The following C5 variants were observed in gnomAD, a reference collection of about 807,000 sequenced individuals.
The protein encoded by C5 is complement C5, also known as C3 and PZP-like alpha-2-macroglobulin domain-containing protein 4.
Under a neutral mutation model 218.8 loss-of-function variants are expected in C5, and 140 were observed. That is an observed-to-expected ratio of 0.64 (90% CI 0.56 to 0.74). The LOEUF is 0.74. Ranked by LOEUF, C5 falls within the 30% of genes least tolerant of loss-of-function variation. The probability of loss-of-function intolerance (pLI) is 0.00; values close to 1 mark genes in which losing one functional copy is unlikely to be tolerated. For missense variants in C5, 1,700 were observed against 1,969.6 expected (o/e 0.86, Z 2.59); for synonymous variants, 614 against 682.3 (o/e 0.90, Z 1.56).
chr9:120,960,167 T>A, intron 38 of C5, 81 bp downstream of exon 38: 1 of 876,880 alleles, frequency 1.1e-6, no homozygotes. Flanking sequence ...AATCACTATA[T>A]AAAGTTTTTG....
chr9:121,038,537 G>A (rs931872101), intron 3 of C5, among the ~76,000 whole-genome samples: 27 of 152,262 alleles, frequency 1.8e-4, no homozygotes, highest in Non-Finnish European at 2.8e-4. Context: ...AATGGCAGGG[G>A]CTCAATAACT....
chr9:120,994,400 T>A (rs542013971), intron 22 of C5, among the ~76,000 whole-genome samples: 1 of 152,000 alleles, frequency 6.6e-6, no homozygotes, highest in Admixed American at 6.6e-5. Flanking sequence ...CTTGCCAACA[T>A]GGTAAAACCC....
At chr9:121,051,499 G>C (rs936770783), upstream of C5, among the ~76,000 whole-genome samples, 1 of 151,542 alleles carries the variant, frequency 6.6e-6, no homozygotes, top group East Asian at 1.9e-4. Context: ...CTCTTTTTTA[G>C]TACTATTTTT....
At chr9:121,052,751 G>A (rs1051656202), upstream of C5, among the ~76,000 whole-genome samples, 1 of 152,074 alleles carries the variant, frequency 6.6e-6, no homozygotes, top group African/African-American at 2.4e-5. Flanking sequence ...ATTATTCCCT[G>A]AAGTCACCTT....
chr9:121,037,721 T>C (rs942251919), intron 4 of C5, among the ~76,000 whole-genome samples, 160 bp downstream of exon 4: 3 of 152,200 alleles, frequency 2.0e-5, no homozygotes, highest in African/African-American at 7.2e-5. Context: ...ATACGTGTAT[T>C]ACAGAGGTAT....
intron 33 of C5, among the ~76,000 whole-genome samples, chr9:120,968,643 T>A (rs1564133969): frequency 1.3e-5 from 2 of 152,198 alleles, no homozygotes; most frequent in African/African-American, 4.8e-5. Context: ...TGGACAGCTC[T>A]AAGAGCTCTC....
intron 17 of C5, among the ~76,000 whole-genome samples, 198 bp from the exon 18 acceptor site, chr9:121,008,696 G>A (rs2047236785): frequency 6.6e-6 from 1 of 152,098 alleles, no homozygotes; most frequent in South Asian, 2.1e-4. Context: ...TTGGGAGGCC[G>A]AGGTGGGCAG....
chr9:120,989,016 T>A lies in C5; in HGVS notation c.3230+30A>T, dbSNP rs375503614. ...ATTCTTTAGTTAATTAACCACTATA[T>A]GAAAATGCAACTCAAAATCTTCTAC... is the stretch of plus-strand genomic sequence containing the variant. On this transcript the variant is annotated intron_variant, in intron 25 of 40. Transcript: ENST00000223642. 2.0e-6 allele frequency: 3 copies of A among 1,506,216 alleles called. No individual in the cohort carries two copies. The African/African-American group carries it at 4.1e-5, about 21-fold the overall frequency. The allele number at this position is 1,506,216 out of a possible 1,614,324, so 93.3% of individuals were successfully genotyped here. A position where few individuals can be genotyped will look rare whatever the true frequency, so the allele number is the denominator to read the frequency against.
intron 20 of C5, among the ~76,000 whole-genome samples, chr9:120,999,424 T>A (rs2047142290): frequency 6.6e-6 from 1 of 152,120 alleles, no homozygotes. Flanking sequence ...ATCATACTGG[T>A]TTAGGAACTA....
intron 20 of C5, among the ~76,000 whole-genome samples, chr9:121,002,998 A>G (rs1174378859): frequency 1.3e-5 from 2 of 152,190 alleles, no homozygotes; most frequent in Non-Finnish European, 2.9e-5. Context: ...TTCTGTAAAA[A>G]TAAGATAATA....
At chr9:121,038,462 A>G (rs1454743277) in intron 3 of C5, among the ~76,000 whole-genome samples, 2 of 152,182 alleles carry the variant, frequency 1.3e-5, no homozygotes, top group African/African-American at 4.8e-5. Flanking sequence ...GCAGCTTTGG[A>G]TTATATGGTT....
chr9:120,990,641 G>T (rs1024424946), intron 23 of C5, among the ~76,000 whole-genome samples: 2 of 152,174 alleles, frequency 1.3e-5, no homozygotes, highest in Non-Finnish European at 2.9e-5. Context: ...ATATCCTCAT[G>T]GAAACAGAGA....
In C5 at chr9:121,014,088, C is replaced by T; in HGVS notation, c.2060-18G>A. 6.2e-7 allele frequency: 1 copy of T among 1,605,994 alleles called. No homozygotes were observed. Among genetic ancestry groups the T allele is most frequent in the Non-Finnish European group, 8.5e-7 (1 of 1,172,782 alleles). ...TTTAGCAGCTGAAATGGTAATAATG[C>T]AAGTGCTCTTGATGACGCAGAGTGA... On this transcript the variant is annotated intron_variant, in intron 16 of 40. Transcript: ENST00000223642.
At chr9:121,040,736 GTGGGAGTC>G (rs2047570761) in intron 3 of C5, among the ~76,000 whole-genome samples, 1 of 152,110 alleles carries the variant, frequency 6.6e-6, no homozygotes, top group African/African-American at 2.4e-5. Context: ...AGTGAGGAAA[GTGGGAGTC>G]TGAGAGGCTG....
At position 120,953,833 on chromosome 9, in the gene C5, A is replaced by T. The variant is rs1369617413; in HGVS notation, c.4798T>A (p.Phe1600Ile). Residue 1600 changes from phenylalanine to isoleucine, a missense_variant, in exon 40 of 41, where the codon TTC becomes ATC. By Grantham distance (21) the Phe-to-Ile change is conservative. Transcript: ENST00000223642. ...AVAEKDSEIT[F>I]IKKVTCTNAE... ...TTAGTACAGGTTACCTTTTTAATGAAGGTAATCTCAGAGTCTTTCTCAGCA... is the reference window on the plus strand; with the variant it reads ...TTAGTACAGGTTACCTTTTTAATGATGGTAATCTCAGAGTCTTTCTCAGCA... 6.2e-7 allele frequency: 1 copy of T among 1,614,068 alleles called. No individual in the cohort carries two copies. Among genetic ancestry groups the T allele is most frequent in the East Asian group, 2.2e-5 (1 of 44,882 alleles).
intron 5 of C5, among the ~76,000 whole-genome samples, chr9:121,033,613 T>C (rs1046159260): frequency 6.6e-6 from 1 of 152,262 alleles, no homozygotes; most frequent in Non-Finnish European, 1.5e-5. Flanking sequence ...ATAGCAGTAA[T>C]AAAATAATAG....
intron 12 of C5, among the ~76,000 whole-genome samples, chr9:121,018,321 C>A (rs1000523747): frequency 2.0e-5 from 3 of 149,974 alleles, no homozygotes; most frequent in African/African-American, 7.4e-5. Flanking sequence ...CACCTGTAAT[C>A]CCAGAAGTTT....
the C5 span, among the ~76,000 whole-genome samples, chr9:121,074,401 G>A: frequency 8.5e-5 from 13 of 152,210 alleles, no homozygotes; most frequent in Non-Finnish European, 1.8e-4. Flanking sequence ...CTCTGCCTAG[G>A]ATTCCCAAGC....
chr9:120,984,901 T>A (rs778219264), intron 25 of C5, among the ~76,000 whole-genome samples: 9 of 151,904 alleles, frequency 5.9e-5, no homozygotes, highest in Non-Finnish European at 1.2e-4. Context: ...TTTGTATTTT[T>A]AGTAGAGACA....
Sources: allele counts gnomAD v4.1 joint callset (sites outside exome capture counted in the v4.1 genomes callset), GRCh38; gene constraint gnomAD v4.1.1; transcripts MANE v1.5; gene names NCBI Gene and HGNC (gene_info 2026-07-23, HGNC 2026-07-21).